Variants in LRP6 observed in about 807,000 individuals in gnomAD.
The protein encoded by LRP6 is LDL receptor related protein 6.
Under a neutral mutation model 184.1 loss-of-function variants are expected in LRP6, and 43 were observed. The ratio of observed to expected loss-of-function variants is 0.23; its 90% CI spans 0.18 to 0.30. LRP6 has a LOEUF of 0.30. Among genes scored for constraint, LRP6 ranks in the 10% least tolerant of loss-of-function variants. LRP6 has a pLI of 1.00. For synonymous variants in LRP6, 719 were observed against 684.9 expected (o/e 1.05, Z -0.78); for missense variants, 1,571 against 2,005.3 (o/e 0.78, Z 4.14).
intron 12 of LRP6, among the ~76,000 whole-genome samples, chr12:12,153,168 T>C (rs1391629400): frequency 6.6e-6 from 1 of 152,212 alleles, no homozygotes; most frequent in East Asian, 1.9e-4. Context: ...TACTACTTTC[T>C]TAGTAAAGCA....
chr12:12,213,923 C>CA (rs1157292931), intron 2 of LRP6, among the ~76,000 whole-genome samples: 3 of 152,100 alleles, frequency 2.0e-5, no homozygotes, highest in African/African-American at 7.2e-5. Context: ...GTGAATACTT[C>CA]ACTAGTTGAT....
intron 12 of LRP6, among the ~76,000 whole-genome samples, chr12:12,153,848 T>C (rs1950114394): frequency 6.6e-6 from 1 of 152,194 alleles, no homozygotes; most frequent in Non-Finnish European, 1.5e-5. Context: ...TCAGTTCTCT[T>C]CTGAAGGCAT....
chr12:12,144,864 G>A (rs940746337), intron 15 of LRP6, among the ~76,000 whole-genome samples: 3 of 144,708 alleles, frequency 2.1e-5, no homozygotes, highest in African/African-American at 7.8e-5. Context: ...ATTAAACAAT[G>A]AGATCACTTG....
intron 1 of LRP6, among the ~76,000 whole-genome samples, chr12:12,262,503 A>G (rs1409417381): frequency 6.6e-6 from 1 of 151,750 alleles, no homozygotes; most frequent in Non-Finnish European, 1.5e-5. Flanking sequence ...GATTGCAGTG[A>G]GCCAAGATCG....
chr12:12,186,676 TGAGAC>T, intron 4 of LRP6: 1 of 407,522 alleles, frequency 2.5e-6, no homozygotes, highest in Non-Finnish European at 4.5e-6. Flanking sequence ...TTTTTTTTTT[TGAGAC>T]ACAGTCTTTC....
At chr12:12,219,133 A>G (rs1288292651) in intron 2 of LRP6, among the ~76,000 whole-genome samples, 2 of 152,146 alleles carry the variant, frequency 1.3e-5, no homozygotes, top group African/African-American at 4.8e-5. Context: ...ATACAATAAA[A>G]TAACAACAGA....
chr12:12,212,272 C>T (rs1245090561), intron 2 of LRP6, among the ~76,000 whole-genome samples: 5 of 152,122 alleles, frequency 3.3e-5, no homozygotes. Flanking sequence ...GCTCGTGAGA[C>T]CTCTTGTATC....
intron 2 of LRP6, among the ~76,000 whole-genome samples, chr12:12,205,095 G>A (rs879441909): frequency 8.6e-5 from 13 of 151,740 alleles, no homozygotes; most frequent in East Asian, 1.9e-4. Context: ...TTGGGAGGCC[G>A]AGGTGGGTGG....
chr12:12,139,015 C>T (rs924791057), intron 15 of LRP6: 7 of 1,308,188 alleles, frequency 5.4e-6, no homozygotes, highest in Non-Finnish European at 7.1e-6. Context: ...GACATAGAGT[C>T]ATCCAGACTC....
At chr12:12,221,544 T>G (rs1331313315) in intron 2 of LRP6, among the ~76,000 whole-genome samples, 1 of 152,168 alleles carries the variant, frequency 6.6e-6, no homozygotes, top group East Asian at 1.9e-4. Flanking sequence ...CCTAAGAAAT[T>G]TATTTTAAAA....
At chr12:12,154,247 G>A (rs558120078) in intron 12 of LRP6, among the ~76,000 whole-genome samples, 3 of 85,820 alleles carry the variant, frequency 3.5e-5, no homozygotes, top group South Asian at 1.0e-3. Context: ...ATCCCCTTTT[G>A]CTTGATAGGC....
intron 2 of LRP6, among the ~76,000 whole-genome samples, chr12:12,224,842 C>T (rs1033316404): frequency 5.3e-5 from 8 of 152,178 alleles, no homozygotes; most frequent in African/African-American, 1.9e-4. Flanking sequence ...GGGAACTAGA[C>T]TAAGACCAAG....
chr12:12,163,712 T>C (rs1862798698), intron 9 of LRP6, among the ~76,000 whole-genome samples: 1 of 152,186 alleles, frequency 6.6e-6, no homozygotes, highest in Non-Finnish European at 1.5e-5. Context: ...GAAAATGTCA[T>C]TCATCATTTT....
chr12:12,144,139 T>C (rs1949970598), intron 15 of LRP6, among the ~76,000 whole-genome samples: 1 of 152,214 alleles, frequency 6.6e-6, no homozygotes, highest in Non-Finnish European at 1.5e-5. Flanking sequence ...ATGCAGTATA[T>C]ATCTTGACAA....
At chr12:12,123,953 T>A (rs1949637168) in intron 22 of LRP6, among the ~76,000 whole-genome samples, 1 of 152,178 alleles carries the variant, frequency 6.6e-6, no homozygotes, top group African/African-American at 2.4e-5. Flanking sequence ...CAATATTTCA[T>A]TCTTAGAATA....
intron 10 of LRP6, among the ~76,000 whole-genome samples, chr12:12,161,283 T>G (rs63451661): frequency 6.6e-6 from 1 of 152,172 alleles, no homozygotes; most frequent in Admixed American, 6.5e-5. Flanking sequence ...TTTTTTTTTT[T>G]CCAAGATGGA....
rs542867589 is a variant in LRP6, at chr12:12,134,052, C to T, written c.3733+1123G>A. Among the ~76,000 whole-genome samples, 255 of 152,238 alleles carry T rather than the reference C, an allele frequency of 1.7e-3. 1 individual carries two copies. The highest frequency in any genetic ancestry group is 5.7e-3 in the African/African-American group (238 of 41,538). ...ATCTCAAAGATCTTCAAATCCCCTA[C>T]GGTCCAAGCACAGTGCCCATAGCTG... On this transcript the variant is annotated intron_variant, in intron 17 of 22. Coordinates refer to ENST00000261349, the MANE Select transcript of LRP6 (RefSeq NM_002336.3).
At chr12:12,178,009 T>C (rs567131122) in intron 7 of LRP6, among the ~76,000 whole-genome samples, 1 of 152,228 alleles carries the variant, frequency 6.6e-6, no homozygotes, top group East Asian at 1.9e-4. Flanking sequence ...CACCACTGTA[T>C]GTATGTGTCT....
intron 3 of LRP6, among the ~76,000 whole-genome samples, chr12:12,195,154 CAACA>C (rs1863718592): frequency 6.6e-6 from 1 of 152,102 alleles, no homozygotes; most frequent in African/African-American, 2.4e-5. Context: ...AATAGTGCTG[CAACA>C]AACATAGGGG....
Sources: allele counts gnomAD v4.1 joint callset (sites outside exome capture counted in the v4.1 genomes callset), GRCh38; gene constraint gnomAD v4.1.1; transcripts MANE v1.5; gene names NCBI Gene and HGNC (gene_info 2026-07-23, HGNC 2026-07-21).